Variants in PCDH15 observed in about 807,000 individuals in gnomAD.
PCDH15 encodes protocadherin related 15.
PCDH15 carries 129 observed loss-of-function variants against 178.5 expected under a neutral mutation model. The observed-to-expected ratio is 0.72, with a 90% CI of 0.63 to 0.84. The LOEUF (loss-of-function observed/expected upper bound fraction) is 0.84, where lower values mean the gene tolerates loss of function less well. PCDH15 is among the 40% of genes least tolerant of loss of function. PCDH15 has a pLI of 0.00. For missense variants in PCDH15, 2,230 were observed against 2,099.9 expected, an observed-to-expected ratio of 1.06 and a Z score of -1.21; for synonymous variants, 800 against 732.0, an observed-to-expected ratio of 1.09 and a Z score of -1.50.
intron 2 of PCDH15, chr10:54,585,618 T>TA (rs11396767): frequency 1.2e-5 from 2 of 172,764 alleles, no homozygotes; most frequent in African/African-American, 4.8e-5. Context: ...ATATGTGTTT[T>TA]TTTTTTTTTT....
At chr10:54,296,662 G>A (rs891067769) in intron 8 of PCDH15, among the ~76,000 whole-genome samples, 9 of 152,084 alleles carry the variant, frequency 5.9e-5, no homozygotes, top group South Asian at 4.1e-4. Flanking sequence ...AAGCCCCATC[G>A]GAGGAGCCAG....
chr10:54,427,982 AAAC>A (rs1956499992), intron 3 of PCDH15, among the ~76,000 whole-genome samples: 1 of 152,198 alleles, frequency 6.6e-6, no homozygotes, highest in Non-Finnish European at 1.5e-5. Flanking sequence ...AAAACAACAA[AAAC>A]AACAAAATTA....
intron 2 of PCDH15, among the ~76,000 whole-genome samples, chr10:55,413,998 AATATT>A (rs2132037865): frequency 6.6e-6 from 1 of 151,694 alleles, no homozygotes; most frequent in South Asian, 2.1e-4. Flanking sequence ...AGAGTAAGAT[AATATT>A]ATAACAGTTT....
chr10:54,576,051 AAAC>A (rs2090443828), intron 2 of PCDH15, among the ~76,000 whole-genome samples: 3 of 152,118 alleles, frequency 2.0e-5, no homozygotes, highest in African/African-American at 7.2e-5. Flanking sequence ...TTAAACAAAC[AAAC>A]AAACAAACAA....
intron 23 of PCDH15, among the ~76,000 whole-genome samples, chr10:53,958,068 G>A (rs1377115399): frequency 6.6e-6 from 1 of 152,120 alleles, no homozygotes; most frequent in African/African-American, 2.4e-5. Context: ...GCTTGCAGAT[G>A]TATCCCTCAC....
At chr10:53,890,785 A>T (rs899340270) in intron 26 of PCDH15, among the ~76,000 whole-genome samples, 5 of 152,206 alleles carry the variant, frequency 3.3e-5, no homozygotes, top group Non-Finnish European at 7.3e-5. Context: ...GAAAAATAAA[A>T]AAATTTTAAA....
chr10:54,721,175 T>C (rs927742339), intron 1 of PCDH15, among the ~76,000 whole-genome samples: 3 of 151,846 alleles, frequency 2.0e-5, no homozygotes, highest in African/African-American at 7.2e-5. Context: ...ATCAGGAAAG[T>C]TTTTGAAGCA....
At chr10:55,320,962 A>T (rs1486224339), upstream of PCDH15, among the ~76,000 whole-genome samples, 3 of 152,182 alleles carry the variant, frequency 2.0e-5, no homozygotes, top group Non-Finnish European at 4.4e-5. Flanking sequence ...AACAGAAAGC[A>T]GAATATGGAT....
chr10:54,649,214 TGAAGAAA>T, intron 2 of PCDH15, among the ~76,000 whole-genome samples: 1 of 152,174 alleles, frequency 6.6e-6, no homozygotes, highest in African/African-American at 2.4e-5. Flanking sequence ...AGGAAATACC[TGAAGAAA>T]GCATGAATTC....
intron 8 of PCDH15, among the ~76,000 whole-genome samples, chr10:54,239,214 G>A (rs2054968029): frequency 6.6e-6 from 1 of 150,832 alleles, no homozygotes. Flanking sequence ...CTACACATAA[G>A]CAGTTTTAGC....
At chr10:53,931,655 T>C (rs2085075847) in intron 25 of PCDH15, among the ~76,000 whole-genome samples, 1 of 152,168 alleles carries the variant, frequency 6.6e-6, no homozygotes, top group Non-Finnish European at 1.5e-5. Context: ...ATCCTGCTAA[T>C]ATGGGCTAAT....
At chr10:55,393,989 T>A (rs1366101305) in intron 2 of PCDH15, among the ~76,000 whole-genome samples, 5 of 152,080 alleles carry the variant, frequency 3.3e-5, no homozygotes, top group Admixed American at 3.3e-4. Flanking sequence ...ATAACTTTTT[T>A]TTTCTCCAAA....
At chr10:54,640,407 A>G (rs2093961903) in intron 2 of PCDH15, among the ~76,000 whole-genome samples, 1 of 152,008 alleles carries the variant, frequency 6.6e-6, no homozygotes, top group Non-Finnish European at 1.5e-5. Context: ...TACCTTTAAT[A>G]CTTTTCTATT....
At chr10:55,503,842 G>A (rs1436476643) in intron 2 of PCDH15, among the ~76,000 whole-genome samples, 5 of 151,268 alleles carry the variant, frequency 3.3e-5, no homozygotes, top group African/African-American at 1.2e-4. Flanking sequence ...GAGATTCTCT[G>A]GCAACTGTTT....
chr10:55,465,311 T>C (rs1421950591), intron 2 of PCDH15, among the ~76,000 whole-genome samples: 1 of 152,146 alleles, frequency 6.6e-6, no homozygotes, highest in African/African-American at 2.4e-5. Flanking sequence ...GGTTCCTTTA[T>C]TGTGGAACCT....
chr10:54,756,717 TGA>T (rs1345506112), intron 1 of PCDH15, among the ~76,000 whole-genome samples: 1 of 43,028 alleles, frequency 2.3e-5, no homozygotes, highest in Non-Finnish European at 5.5e-5. Context: ...TGTATGTATG[TGA>T]AAGAGAGAGA....
chr10:54,635,730 A>G (rs2093835137), intron 2 of PCDH15, among the ~76,000 whole-genome samples: 2 of 151,916 alleles, frequency 1.3e-5, no homozygotes. Flanking sequence ...TTCTGCTATT[A>G]TACTCACTCA....
At chr10:53,965,360 ACTAC>A (rs1258957967) in intron 21 of PCDH15, among the ~76,000 whole-genome samples, 1 of 152,180 alleles carries the variant, frequency 6.6e-6, no homozygotes, top group Non-Finnish European at 1.5e-5. Context: ...GCCCAGCCCT[ACTAC>A]CTATATTTTT....
At chr10:54,153,323 C>T in intron 13 of PCDH15, 30 bp from the exon 14 acceptor site, 1 of 1,612,268 alleles carries the variant, frequency 6.2e-7, no homozygotes. Flanking sequence ...CATAAATCCT[C>T]TTGGGTCTCA....
Sources: allele counts gnomAD v4.1 joint callset (sites outside exome capture counted in the v4.1 genomes callset), GRCh38; gene constraint gnomAD v4.1.1; transcripts MANE v1.5; gene names NCBI Gene and HGNC (gene_info 2026-07-23, HGNC 2026-07-21).